Variants in TMEM117 observed in about 807,000 individuals in gnomAD.
The protein encoded by TMEM117 is transmembrane protein 117.
TMEM117 carries 27 observed loss-of-function variants against 52.4 expected under a neutral mutation model. The ratio of observed to expected loss-of-function variants is 0.51; its 90% CI spans 0.38 to 0.71. TMEM117 has a LOEUF of 0.71. TMEM117 is among the 30% of genes least tolerant of loss of function. The probability of loss-of-function intolerance (pLI) is 0.00; values close to 1 mark genes in which losing one functional copy is unlikely to be tolerated. For missense variants in TMEM117, 556 were observed against 630.5 expected (o/e 0.88, Z 1.26); for synonymous variants, 215 against 206.3 (o/e 1.04, Z -0.36).
chr12:44,006,519 G>A (rs56114967), intron 3 of TMEM117, among the ~76,000 whole-genome samples: 14,217 of 152,116 alleles, frequency 0.093, 1,061 homozygotes, highest in African/African-American at 0.2. Flanking sequence ...TTTTAATACT[G>A]TCTCTAATTT....
intron 1 of TMEM117, among the ~76,000 whole-genome samples, chr12:43,837,186 C>T (rs1410227945): frequency 6.6e-6 from 1 of 152,012 alleles, no homozygotes; most frequent in Non-Finnish European, 1.5e-5. Flanking sequence ...CCATCTGATC[C>T]GTGTGATGAG....
At chr12:43,841,782 C>T (rs1943119569) in intron 1 of TMEM117, among the ~76,000 whole-genome samples, 1 of 152,070 alleles carries the variant, frequency 6.6e-6, no homozygotes, top group Non-Finnish European at 1.5e-5. Flanking sequence ...GACTTTGGGC[C>T]AGTTACAAAG....
At chr12:44,250,753 C>T (rs539308282) in intron 5 of TMEM117, among the ~76,000 whole-genome samples, 42 of 152,316 alleles carry the variant, frequency 2.8e-4, no homozygotes, top group African/African-American at 9.4e-4. Context: ...AAACCAAACA[C>T]TGCATGTTCT....
chr12:44,205,688 G>A (rs1949555676), intron 4 of TMEM117, among the ~76,000 whole-genome samples: 1 of 152,116 alleles, frequency 6.6e-6, no homozygotes, highest in Admixed American at 6.6e-5. Flanking sequence ...AATCATTAGA[G>A]AAATGCAAAT....
intron 2 of TMEM117, among the ~76,000 whole-genome samples, chr12:43,942,719 A>G (rs75410353): frequency 0.022 from 3,318 of 152,174 alleles, 117 homozygotes; most frequent in East Asian, 0.2. Flanking sequence ...TAAAGGTGAG[A>G]TATAAGGAAA....
At chr12:44,278,593 A>C (rs901350261) in intron 5 of TMEM117, among the ~76,000 whole-genome samples, 1 of 152,230 alleles carries the variant, frequency 6.6e-6, no homozygotes, top group Admixed American at 6.5e-5. Flanking sequence ...GACAGAATCC[A>C]TCCTGAAAAG....
chr12:43,935,582 G>T (rs2137591379), intron 2 of TMEM117, among the ~76,000 whole-genome samples: 1 of 152,284 alleles, frequency 6.6e-6, no homozygotes, highest in South Asian at 2.1e-4. Flanking sequence ...AGTGGGTAAG[G>T]ATAATATATA....
At chr12:43,978,589 C>T (rs1945710831) in intron 3 of TMEM117, among the ~76,000 whole-genome samples, 1 of 152,070 alleles carries the variant, frequency 6.6e-6, no homozygotes, top group Admixed American at 6.6e-5. Flanking sequence ...TTTGTAGGCA[C>T]AACTACAGGA....
Position 44,098,392 on chromosome 12 carries a change from A to G in TMEM117, c.411-45133A>G, listed in dbSNP as rs552136530. ...ACAGCAGGCATTTTTGCCTATTATT[A>G]CAGACTTAAGTCATCTCACAAATGC... On this transcript the variant is annotated intron_variant, in intron 3 of 7. Transcript: ENST00000266534. 5.4e-4 allele frequency among the ~76,000 whole-genome samples: 82 copies of G among 151,732 alleles called. 2 individuals carry two copies. Among genetic ancestry groups the G allele is most frequent in the African/African-American group, 1.8e-3 (74 of 41,110 alleles).
At chr12:44,358,399 A>G (rs1479408122) in intron 6 of TMEM117, among the ~76,000 whole-genome samples, 1 of 152,148 alleles carries the variant, frequency 6.6e-6, no homozygotes, top group Non-Finnish European at 1.5e-5. Flanking sequence ...TTTAATTAGA[A>G]ATTCTCAGAG....
At position 43,912,478 on chromosome 12, in the gene TMEM117, C is replaced by T. The variant is rs540659252; in HGVS notation, c.278-31732C>T. Reference sequence around the variant, plus strand: ...TAACCTGCGCGTTGTGCACATGTACCCTAAAACTTAAAGTATAATAATAAT... The same window carrying T: ...TAACCTGCGCGTTGTGCACATGTACTCTAAAACTTAAAGTATAATAATAAT... On this transcript the variant is annotated intron_variant, in intron 2 of 7. Transcript: ENST00000266534. 1.9e-3 allele frequency among the ~76,000 whole-genome samples: 266 copies of T among 140,938 alleles called. 5 individuals carry two copies. Among genetic ancestry groups the T allele is most frequent in the African/African-American group, 7.6e-3 (249 of 32,928 alleles). 92.5% of individuals were successfully genotyped at this position (140,938 alleles called of 152,430 possible). A position where few individuals can be genotyped will look rare whatever the true frequency, so the allele number is the denominator to read the frequency against.
rs774575508 is a variant in TMEM117 at position 43,944,291 on chromosome 12, T to A, written c.359T>A (p.Phe120Tyr). The A allele has an allele frequency of 6.8e-6, 11 of 1,613,158 alleles. No homozygotes were observed. Among genetic ancestry groups the A allele is most frequent in the Non-Finnish European group, 9.3e-6 (11 of 1,179,252 alleles). ...TMFFSTILFL[F>Y]IFSHIYNTIL... ...TTCTTCAGCACAATTCTCTTTCTCT[T>A]CATATTTTCTCACATATACAACACG... The change falls in exon 3 of 8, where the codon TTC (phenylalanine) becomes TAC (tyrosine). Residue 120 changes from phenylalanine (F) to tyrosine (Y), a missense_variant. Physicochemically the swap from Phe to Tyr is conservative, Grantham distance 22. Around this residue, in one of 3 missense-constraint regions of TMEM117, gnomAD observed 328 missense variants for 371.4 expected, o/e 0.88. Coordinates refer to ENST00000266534, the MANE Select transcript of TMEM117 (RefSeq NM_032256.3).
chr12:43,806,295 C>T, the TMEM117 span: 2 of 1,440,506 alleles, frequency 1.4e-6, no homozygotes, highest in Non-Finnish European at 1.8e-6. Flanking sequence ...GCCAGCGGCC[C>T]CGGCCGGCGG....
At chr12:43,880,709 A>G (rs1191480207) in intron 2 of TMEM117, among the ~76,000 whole-genome samples, 3 of 152,212 alleles carry the variant, frequency 2.0e-5, no homozygotes, top group Admixed American at 2.0e-4. Context: ...GCAGTATTTC[A>G]AAGTGATTGT....
intron 4 of TMEM117, among the ~76,000 whole-genome samples, chr12:44,154,813 A>C (rs1304245995): frequency 6.6e-6 from 1 of 151,770 alleles, no homozygotes; most frequent in Non-Finnish European, 1.5e-5. Context: ...TTTAAAAAAA[A>C]TAAGCAGAAT....
intron 3 of TMEM117, among the ~76,000 whole-genome samples, chr12:44,070,889 G>A (rs758731947): frequency 6.6e-6 from 1 of 152,162 alleles, no homozygotes; most frequent in Non-Finnish European, 1.5e-5. Context: ...CCAGAGCTGA[G>A]CTTCCGCAGG....
chr12:44,150,711 A>C (rs1344818674), intron 4 of TMEM117, among the ~76,000 whole-genome samples: 1 of 152,160 alleles, frequency 6.6e-6, no homozygotes, highest in Non-Finnish European at 1.5e-5. Flanking sequence ...ATGTTCCTTC[A>C]AAATAATAAG....
At chr12:44,119,645 C>T (rs1948201631) in intron 3 of TMEM117, among the ~76,000 whole-genome samples, 1 of 152,168 alleles carries the variant, frequency 6.6e-6, no homozygotes, top group South Asian at 2.1e-4. Context: ...GATCGTCTTC[C>T]TGACTACCTG....
At chr12:44,008,524 C>T (rs973683724) in intron 3 of TMEM117, 1 of 168,076 alleles carries the variant, frequency 5.9e-6, no homozygotes, top group African/African-American at 2.4e-5. Context: ...ATCTATCCCT[C>T]CCAAATGTTC....
Sources: gnomAD v4.1 joint callset for allele counts (sites outside exome capture counted in the v4.1 genomes callset) on GRCh38, gnomAD v4.1.1 for gene constraint, gnomAD v4.1.1 regional missense constraint, MANE v1.5 for transcripts, NCBI Gene and HGNC (gene_info 2026-07-23, HGNC 2026-07-21) for gene names.